Variants in CPSF2 observed in about 807,000 individuals in gnomAD.
The protein encoded by CPSF2 is cleavage and polyadenylation specific factor 2.
A neutral mutation model predicts 84.2 loss-of-function variants in CPSF2; 51 were observed. The observed-to-expected ratio is 0.61, with a 90% CI of 0.48 to 0.77. The LOEUF is 0.77. Ranked by LOEUF, CPSF2 falls within the 30% of genes least tolerant of loss-of-function variation. CPSF2 has a pLI of 0.00. For missense variants in CPSF2, 641 were observed against 929.4 expected, an observed-to-expected ratio of 0.69 and a Z score of 4.03; for synonymous variants, 286 against 311.9, an observed-to-expected ratio of 0.92 and a Z score of 0.87.
At chr14:92,133,560 A>G (rs1361109596) in intron 3 of CPSF2, among the ~76,000 whole-genome samples, 1 of 151,778 alleles carries the variant, frequency 6.6e-6, no homozygotes, top group Non-Finnish European at 1.5e-5. Flanking sequence ...CCTGTGCCCA[A>G]GTGATCCTCC....
chr14:92,159,309 T>G, intron 14 of CPSF2, 27 bp downstream of exon 14: 1 of 1,536,568 alleles, frequency 6.5e-7, no homozygotes, highest in Non-Finnish European at 8.8e-7. Flanking sequence ...CTTTTTTGAT[T>G]TCTTCCTGAA....
rs1430443039 is a variant in CPSF2, at chr14:92,165,063, C to T, written c.*3319C>T. On this transcript the variant is annotated 3_prime_UTR_variant, in exon 16 of 16. Coordinates refer to ENST00000298875, the MANE Select transcript of CPSF2 (RefSeq NM_017437.3). ...TTTATGTTTGACTTCTTTCACTTAGCATAATGTTTTCAGAGTGCATCACTG... is the reference window on the plus strand; with the variant it reads ...TTTATGTTTGACTTCTTTCACTTAGTATAATGTTTTCAGAGTGCATCACTG... 2 of 152,170 alleles carry T rather than the reference C, an allele frequency of 1.3e-5. No individual in the cohort carries two copies. Among genetic ancestry groups the T allele is most frequent in the Admixed American group, 6.5e-5 (1 of 15,268 alleles). 9.4% of individuals were successfully genotyped at this position (152,170 alleles called of 1,614,324 possible).
In CPSF2 at chr14:92,133,235, C is replaced by G. The variant is rs144059309; in HGVS notation, c.150-776C>G. ...GGGAGTTCGAGACCACCCTAACCAA[C>G]ATAGAGAAACCCCATCTCTACCAAA... On this transcript the variant is annotated intron_variant, in intron 3 of 15. Coordinates refer to ENST00000298875, the MANE Select transcript of CPSF2 (RefSeq NM_017437.3). Among the ~76,000 whole-genome samples the G allele has an allele frequency of 5.5e-3, 832 of 152,076 alleles. 5 individuals are homozygous for G. The highest frequency in any genetic ancestry group is 0.014 in the Middle Eastern group (4 of 292).
rs2069091337 is a variant in CPSF2, at chr14:92,142,496, C to T, written c.849+145C>T. The T allele has an allele frequency of 1.2e-5, 7 of 599,722 alleles. No individual in the cohort carries two copies. The East Asian group carries it at 1.6e-4, about 14-fold the overall frequency. 37.2% of individuals were successfully genotyped at this position (599,722 alleles called of 1,614,324 possible). A position where few individuals can be genotyped will look rare whatever the true frequency, so the allele number is the denominator to read the frequency against. ...TAACTTGGCATTAACCATTTACTGT[C>T]CTGTGTGCTTTAAATGTATTATTTA... On this transcript the variant is annotated intron_variant, in intron 8 of 15. Coordinates refer to ENST00000298875, the MANE Select transcript of CPSF2 (RefSeq NM_017437.3).
chr14:92,139,202 G>T (rs978637714), intron 7 of CPSF2, among the ~76,000 whole-genome samples: 2 of 152,126 alleles, frequency 1.3e-5, no homozygotes. Flanking sequence ...CGGATCATGA[G>T]GTCAGGAGAT....
intron 14 of CPSF2, among the ~76,000 whole-genome samples, chr14:92,160,615 A>G (rs1160101280): frequency 2.0e-5 from 3 of 152,256 alleles, no homozygotes; most frequent in Non-Finnish European, 4.4e-5. Context: ...CAAAGCAGAA[A>G]GCAGCAGCAT....
chr14:92,161,360 T>A, intron 15 of CPSF2, 114 bp downstream of exon 15: 1 of 1,261,388 alleles, frequency 7.9e-7, no homozygotes, highest in Non-Finnish European at 1.1e-6. Flanking sequence ...CAGTAATTTA[T>A]ATTCATGATC....
Position 92,169,279 on chromosome 14 carries a change from C to T in CPSF2, c.*7535C>T, listed in dbSNP as rs974719146. 6.6e-6 allele frequency: 1 copy of T among 152,146 alleles called. No individual in the cohort carries two copies. Among genetic ancestry groups the T allele is most frequent in the African/African-American group, 2.4e-5 (1 of 41,432 alleles). 9.4% of individuals were successfully genotyped at this position (152,146 alleles called of 1,614,324 possible). ...TTTAGAAACACATTGTGGTCTCAGCCTCATGTGGCATTGCCACTTGTTACT... is the reference window on the plus strand; with the variant it reads ...TTTAGAAACACATTGTGGTCTCAGCTTCATGTGGCATTGCCACTTGTTACT... On this transcript the variant is annotated 3_prime_UTR_variant, in exon 16 of 16. Transcript: ENST00000298875.
At chr14:92,129,731 T>C (rs2068890568) in intron 2 of CPSF2, among the ~76,000 whole-genome samples, 1 of 152,172 alleles carries the variant, frequency 6.6e-6, no homozygotes, top group South Asian at 2.1e-4. Context: ...TTTTATTTAT[T>C]TTTTAGATAC....
intron 1 of CPSF2, among the ~76,000 whole-genome samples, chr14:92,124,715 C>T (rs906490144): frequency 2.6e-5 from 4 of 152,030 alleles, no homozygotes; most frequent in African/African-American, 9.7e-5. Flanking sequence ...TTGAAATGTG[C>T]TGTAAATATA....
In CPSF2 at chr14:92,168,524, G is replaced by A. The variant is rs1009642632; in HGVS notation, c.*6780G>A. On this transcript the variant is annotated 3_prime_UTR_variant, in exon 16 of 16. Coordinates refer to ENST00000298875, the MANE Select transcript of CPSF2 (RefSeq NM_017437.3). ...ACAGCTCTATTTTTTGGTGCTTTTC[G>A]TTCATTATTCACTCCATTTCATTTT... 24 of 151,982 alleles carry A rather than the reference G, an allele frequency of 1.6e-4. No homozygotes were observed. The highest frequency in any genetic ancestry group is 3.9e-4 in the African/African-American group (16 of 41,374). The allele number at this position is 151,982 out of a possible 1,614,324, so 9.4% of individuals were successfully genotyped here. A position where few individuals can be genotyped will look rare whatever the true frequency, so the allele number is the denominator to read the frequency against.
In CPSF2 at chr14:92,134,091, A is replaced by G; in HGVS notation, c.230A>G (p.Lys77Arg). ...GGTGCCCTCCCGTATGCTGTCGGAA[A>G]GTTGGGTCTGAACTGTGCTATCTAT... ...HLGALPYAVG[K>R]LGLNCAIYAT... The change falls in exon 4 of 16, where the codon AAG becomes AGG. Residue 77 changes from lysine (K) to arginine (R), a missense_variant. Coordinates refer to ENST00000298875, the MANE Select transcript of CPSF2 (RefSeq NM_017437.3). 1.9e-6 allele frequency: 3 copies of G among 1,614,162 alleles called. No individual in the cohort carries two copies. The South Asian group carries it at 3.3e-5, about 18-fold the overall frequency.
rs1441099369 is a variant in CPSF2 at position 92,169,633 on chromosome 14, G to T, written c.*7889G>T. On this transcript the variant is annotated 3_prime_UTR_variant, in exon 16 of 16. Coordinates refer to ENST00000298875, the MANE Select transcript of CPSF2 (RefSeq NM_017437.3). ...GAAAAACCAAATTCAAATTCTTAAG[G>T]TTTTTCTTATATGTGATTTTTTTTT... 1 of 144,780 alleles carries T rather than the reference G, an allele frequency of 6.9e-6. No individual in the cohort carries two copies. Among genetic ancestry groups the T allele is most frequent in the Non-Finnish European group, 1.5e-5 (1 of 66,778 alleles). 9.0% of individuals were successfully genotyped at this position (144,780 alleles called of 1,614,324 possible). A position where few individuals can be genotyped will look rare whatever the true frequency, so the allele number is the denominator to read the frequency against.
rs559390674 is a variant in CPSF2 at position 92,151,967 on chromosome 14, C to T, written c.1141-2391C>T. Among the ~76,000 whole-genome samples the T allele has an allele frequency of 2.0e-5, 3 of 148,738 alleles. No individual in the cohort carries two copies. The South Asian group carries it at 6.3e-4, about 31-fold the overall frequency. On this transcript the variant is annotated intron_variant, in intron 9 of 15. Transcript: ENST00000298875. ...ATTGAGCTGCAGTGAGCTATAATTG[C>T]ACCACTGCACTCCAGCCTGGGCAAT...
At position 92,157,888 on chromosome 14, in the gene CPSF2, A is replaced by G. The variant is rs781176903; in HGVS notation, c.1821+4A>G. On this transcript the variant is annotated splice_donor_region_variant and intron_variant, in intron 13 of 15. Coordinates refer to ENST00000298875, the MANE Select transcript of CPSF2 (RefSeq NM_017437.3). The surrounding 1 kb of genome is among the most constrained non-coding windows in gnomAD (Gnocchi z 4.0). Reference sequence around the variant, plus strand: ...TAGTGAAACTCACATCTACCAGGTAAACATGCCAGGAGTTGCCATTGAGTA... The same window carrying G: ...TAGTGAAACTCACATCTACCAGGTAGACATGCCAGGAGTTGCCATTGAGTA... 35 of 1,601,620 alleles carry G rather than the reference A, an allele frequency of 2.2e-5. No homozygotes were observed. The South Asian group carries it at 2.5e-4, about 12-fold the overall frequency.
chr14:92,124,035 A>T (rs1199654579), intron 1 of CPSF2, among the ~76,000 whole-genome samples: 1 of 152,232 alleles, frequency 6.6e-6, no homozygotes. Flanking sequence ...TGCTGAGCTC[A>T]AAAGGAGAAG....
Position 92,154,406 on chromosome 14 carries a change from GAA to G in CPSF2, c.1193_1194del (p.Lys398ArgfsTer12). 1 of 1,609,718 alleles carries G rather than the reference GAA, an allele frequency of 6.2e-7. No individual in the cohort carries two copies. Among genetic ancestry groups the G allele is most frequent in the Non-Finnish European group, 8.5e-7 (1 of 1,178,652 alleles). ...LEGKELEEYL[E>X]KEKLKKEAAK... ...AGGGAAAGAACTTGAAGAATACTTG[GAA>G]AAAGAGAAACTAAAGAAAGAAGCTG... is the stretch of plus-strand genomic sequence containing the variant. On this transcript the variant is annotated frameshift_variant, in exon 10 of 16. Transcript: ENST00000298875. LOFTEE classifies it high-confidence loss of function.
rs564110897 is a variant in CPSF2 at position 92,155,583 on chromosome 14, C to T, written c.1442+260C>T. Reference sequence around the variant, plus strand: ...GTGTAAAGGTTTAAAAACATGATCACGTGATCAAGACTTTTTTCCCCCACT... The same window carrying T: ...GTGTAAAGGTTTAAAAACATGATCATGTGATCAAGACTTTTTTCCCCCACT... On this transcript the variant is annotated intron_variant, in intron 11 of 15. Transcript: ENST00000298875. Among the ~76,000 whole-genome samples, 8 of 152,196 alleles carry T rather than the reference C, an allele frequency of 5.3e-5. No homozygotes were observed. In the South Asian group the frequency reaches 1.2e-3, roughly 24 times the overall value.
At chr14:92,152,923 T>C (rs917110313) in intron 9 of CPSF2, among the ~76,000 whole-genome samples, 1 of 152,078 alleles carries the variant, frequency 6.6e-6, no homozygotes, top group Non-Finnish European at 1.5e-5. Context: ...AATCATTCCA[T>C]TTTGATGGAT....
Sources: gnomAD v4.1 joint callset for allele counts (sites outside exome capture counted in the v4.1 genomes callset) on GRCh38, gnomAD v4.1.1 for gene constraint, Gnocchi (gnomAD v3.1) non-coding constraint, MANE v1.5 for transcripts, NCBI Gene and HGNC (gene_info 2026-07-23, HGNC 2026-07-21) for gene names.